Variants in TF observed in about 807,000 individuals in gnomAD.
TF encodes serotransferrin.
Under a neutral mutation model 82.4 loss-of-function variants are expected in TF, and 55 were observed. The observed-to-expected ratio is 0.67, with a 90% CI of 0.54 to 0.84. TF has a LOEUF of 0.84. TF is among the 40% of genes least tolerant of loss of function. The pLI is 0.00. For synonymous variants in TF, 332 were observed against 332.6 expected (o/e 1.00, Z 0.02); for missense variants, 737 against 868.4 (o/e 0.85, Z 1.90).
chr3:133,683,274 G>A, the TF span, among the ~76,000 whole-genome samples: 2 of 152,164 alleles, frequency 1.3e-5, no homozygotes, highest in East Asian at 1.9e-4. Flanking sequence ...GACCATCAAA[G>A]CTAGGAAGAA....
chr3:133,735,669 A>G, the TF span, among the ~76,000 whole-genome samples: 1 of 152,166 alleles, frequency 6.6e-6, no homozygotes, highest in Admixed American at 6.5e-5. Flanking sequence ...ACAAATACCA[A>G]TTGTGCCGAA....
chr3:133,715,408 G>A, the TF span, among the ~76,000 whole-genome samples: 8 of 151,946 alleles, frequency 5.3e-5, no homozygotes, highest in Non-Finnish European at 1.0e-4. Context: ...CTGTCTCCTC[G>A]CTAAGTCCTG....
intron 4 of TF, 100 bp downstream of exon 4, chr3:133,754,771 G>A: frequency 7.6e-7 from 1 of 1,310,032 alleles, no homozygotes; most frequent in Non-Finnish European, 1.1e-6. Context: ...CATGTGGGAT[G>A]AACTCAGGTG....
the TF span, among the ~76,000 whole-genome samples, chr3:133,679,313 C>T: frequency 6.6e-6 from 1 of 152,210 alleles, no homozygotes; most frequent in Non-Finnish European, 1.5e-5. Context: ...GTAGCCACTG[C>T]ACCTGGCCTT....
chr3:133,680,529 T>C, the TF span, among the ~76,000 whole-genome samples: 3 of 106,582 alleles, frequency 2.8e-5, no homozygotes, highest in African/African-American at 1.4e-4. Flanking sequence ...ATTTCTTTTC[T>C]TTTCTTTTTT....
At chr3:133,725,869 G>A in the TF span, among the ~76,000 whole-genome samples, 1 of 152,134 alleles carries the variant, frequency 6.6e-6, no homozygotes, top group South Asian at 2.1e-4. Context: ...AGCATGAAGG[G>A]TTGTTGAATT....
At position 133,793,638 on chromosome 3, in the gene TF, A is replaced by G. The variant is rs1357260002; in HGVS notation, c.*15018A>G. The G allele has an allele frequency of 6.6e-6, 1 of 152,196 alleles. No homozygotes were observed. Among genetic ancestry groups the G allele is most frequent in the African/African-American group, 2.4e-5 (1 of 41,466 alleles). 9.4% of individuals were successfully genotyped at this position (152,196 alleles called of 1,614,324 possible). ...AATTATGATTATTATGTTATTGTAG[A>G]CCACAGAAATAACCAAATTTCCTTG... On this transcript the variant is annotated 3_prime_UTR_variant, in exon 17 of 17. Coordinates refer to ENST00000402696, the MANE Select transcript of TF (RefSeq NM_001063.4).
At chr3:133,717,952 C>G in the TF span, among the ~76,000 whole-genome samples, 1 of 152,086 alleles carries the variant, frequency 6.6e-6, no homozygotes, top group Admixed American at 6.5e-5. Context: ...TTTCAAATCA[C>G]TGGGGAAAGA....
chr3:133,685,688 T>G, the TF span, among the ~76,000 whole-genome samples: 2 of 151,944 alleles, frequency 1.3e-5, no homozygotes, highest in Non-Finnish European at 2.9e-5. Context: ...CACTACTCAA[T>G]GAAATAAAAG....
At position 133,756,269 on chromosome 3, in the gene TF, T is replaced by C; in HGVS notation, c.636-13T>C. 6.2e-7 allele frequency: 1 copy of C among 1,613,932 alleles called. No individual in the cohort carries two copies. The highest frequency in any genetic ancestry group is 1.1e-5 in the South Asian group (1 of 90,986). On this transcript the variant is annotated splice_polypyrimidine_tract_variant and intron_variant, in intron 5 of 16. Transcript: ENST00000402696. The stretch of plus-strand genomic sequence containing the variant: ...CCCTGCAGGAGCCCTGCTGATGTGT[T>C]TCTTTGACCCAGGTGTCTGAAGGAT...
rs1158246216 is a variant in TF, at chr3:133,755,498, G to A, written c.635+3G>A. The A allele has an allele frequency of 6.2e-7, 1 of 1,613,992 alleles. No homozygotes were observed. The highest frequency in any genetic ancestry group is 1.7e-5 in the Admixed American group (1 of 60,026). ...TTCGGCTACTCGGGAGCCTTCAAGT[G>A]AGTGAGATGTCTGCTGCTCCATGGT... On this transcript the variant is annotated splice_donor_region_variant and intron_variant, in intron 5 of 16. Transcript: ENST00000402696.
At chr3:133,742,862 C>T (rs558047246), upstream of TF, among the ~76,000 whole-genome samples, 17 of 152,342 alleles carry the variant, frequency 1.1e-4, no homozygotes, top group East Asian at 7.7e-4. Context: ...TGCACGTACA[C>T]ACAAGCGCAG....
intron 1 of TF, 65 bp from the exon 2 acceptor site, chr3:133,748,347 G>GA: frequency 1.2e-6 from 2 of 1,605,456 alleles, no homozygotes. Flanking sequence ...GCCTTTCTAG[G>GA]GGCGATGCTG....
In TF at chr3:133,753,695, C is replaced by G; in HGVS notation, c.317C>G (p.Ser106Ter). 1.2e-6 allele frequency: 2 copies of G among 1,613,594 alleles called. No homozygotes were observed. The highest frequency in any genetic ancestry group is 1.7e-6 in the Non-Finnish European group (2 of 1,179,488). The change falls in exon 3 of 17, where the codon TCA becomes TGA. Residue 106 changes from serine to a stop codon, truncating the protein, a stop_gained. Coordinates refer to ENST00000402696, the MANE Select transcript of TF (RefSeq NM_001063.4). LOFTEE classifies it high-confidence loss of function. ...CCTGTGGTGGCAGAGTTCTATGGGT[C>G]AAAAGAGGGTAAGTTCTCCCTGGGA... ...LKPVVAEFYG[S>*]KEDPQTFYYA...
chr3:133,709,320 A>G, the TF span, among the ~76,000 whole-genome samples: 83 of 152,284 alleles, frequency 5.5e-4, no homozygotes, highest in Admixed American at 9.2e-4. Context: ...TGTAGTTTCC[A>G]TATTTCCAGC....
chr3:133,772,601 C>A (rs8177297), intron 14 of TF, among the ~76,000 whole-genome samples: 21,317 of 152,192 alleles, frequency 0.14, 2,040 homozygotes, highest in East Asian at 0.38. Flanking sequence ...TCAACGTTCC[C>A]TCCTCTTCTC....
chr3:133,712,048 C>T, the TF span, among the ~76,000 whole-genome samples: 1 of 152,188 alleles, frequency 6.6e-6, no homozygotes, highest in African/African-American at 2.4e-5. Flanking sequence ...TCCCTGACCC[C>T]TAGGGCTGCA....
chr3:133,740,826 G>T, the TF span, among the ~76,000 whole-genome samples: 1 of 150,560 alleles, frequency 6.6e-6, no homozygotes, highest in Non-Finnish European at 1.5e-5. Flanking sequence ...TTAAAGTCTG[G>T]TACATAAAAG....
chr3:133,756,728 A>T (rs1281400725), intron 6 of TF, 103 bp from the exon 7 acceptor site: 41 of 1,455,956 alleles, frequency 2.8e-5, no homozygotes, highest in Non-Finnish European at 1.9e-6. Context: ...TGCTCACTCC[A>T]GACCTCTCAG....
Sources: gnomAD v4.1 joint callset for allele counts (sites outside exome capture counted in the v4.1 genomes callset) on GRCh38, gnomAD v4.1.1 for gene constraint, MANE v1.5 for transcripts, NCBI Gene and HGNC (gene_info 2026-07-23, HGNC 2026-07-21) for gene names.